The following EGFLAM variants were observed in gnomAD, a reference collection of about 807,000 sequenced individuals.
The protein encoded by EGFLAM is pikachurin.
A neutral mutation model predicts 113.1 loss-of-function variants in EGFLAM; 79 were observed. The ratio of observed to expected loss-of-function variants is 0.70; its 90% CI spans 0.58 to 0.84. The LOEUF is 0.84. EGFLAM is among the 40% of genes least tolerant of loss of function. The pLI is 0.00. For synonymous variants in EGFLAM, 504 were observed against 487.6 expected, an observed-to-expected ratio of 1.03 and a Z score of -0.44; for missense variants, 1,265 against 1,291.6, an observed-to-expected ratio of 0.98 and a Z score of 0.32.
In EGFLAM at chr5:38,258,951, G is replaced by C. The variant is rs189562129; in HGVS notation, c.97+100G>C. The C allele has an allele frequency of 3.5e-5, 45 of 1,279,060 alleles. No individual in the cohort carries two copies. In the African/African-American group the frequency reaches 6.2e-4, roughly 18 times the overall value. The allele number at this position is 1,279,060 out of a possible 1,614,324, so 79.2% of individuals were successfully genotyped here. A position where few individuals can be genotyped will look rare whatever the true frequency, so the allele number is the denominator to read the frequency against. On this transcript the variant is annotated intron_variant, in intron 1 of 21. Transcript: ENST00000322350. ...GGCAGCGCACCGCCTCCCTCTCCCC[G>C]ACCAACGTCTGCTTAACTCGCTTCA...
At chr5:38,300,375 CTTT>C (rs34070893) in intron 1 of EGFLAM, among the ~76,000 whole-genome samples, 8 of 140,618 alleles carry the variant, frequency 5.7e-5, no homozygotes, top group African/African-American at 1.0e-4. Flanking sequence ...ATCTCTCTCT[CTTT>C]TTTTTTTTTT....
intron 5 of EGFLAM, among the ~76,000 whole-genome samples, chr5:38,362,890 C>A (rs889258841): frequency 1.3e-5 from 2 of 152,204 alleles, no homozygotes; most frequent in Non-Finnish European, 2.9e-5. Flanking sequence ...TGATATAATT[C>A]CTGCTTAGAC....
chr5:38,386,167 G>A (rs928837250), intron 6 of EGFLAM, among the ~76,000 whole-genome samples: 1 of 152,330 alleles, frequency 6.6e-6, no homozygotes, highest in African/African-American at 2.4e-5. Context: ...AAGTAAGGGT[G>A]TATTAGGTAT....
At position 38,303,770 on chromosome 5, in the gene EGFLAM, A is replaced by C. The variant is rs991307051; in HGVS notation, c.98-33750A>C. Reference sequence around the variant, plus strand: ...ACTATAAATGCTTTTTTTCCAAAAAAATGGTAACAGTCACAAAATTTCAAA... The same window carrying C: ...ACTATAAATGCTTTTTTTCCAAAAACATGGTAACAGTCACAAAATTTCAAA... On this transcript the variant is annotated intron_variant, in intron 1 of 21. Coordinates refer to ENST00000322350, the MANE Select transcript of EGFLAM (RefSeq NM_152403.4). Among the ~76,000 whole-genome samples, 7 of 152,328 alleles carry C rather than the reference A, an allele frequency of 4.6e-5. No homozygotes were observed. In the East Asian group the frequency reaches 1.3e-3, roughly 29 times the overall value.
chr5:38,358,167 C>G (rs1010746940), intron 5 of EGFLAM, among the ~76,000 whole-genome samples: 4 of 151,490 alleles, frequency 2.6e-5, no homozygotes, highest in Non-Finnish European at 5.9e-5. Flanking sequence ...TTAACCTGGC[C>G]GGGCGTGGTG....
At chr5:38,453,392 C>G (rs532001645) in intron 19 of EGFLAM, among the ~76,000 whole-genome samples, 115 of 152,332 alleles carry the variant, frequency 7.5e-4, no homozygotes, top group African/African-American at 2.6e-3. Context: ...GCTAAGATTA[C>G]TGACAGCCCA....
At chr5:38,372,267 C>T (rs532501840) in intron 6 of EGFLAM, among the ~76,000 whole-genome samples, 12 of 152,114 alleles carry the variant, frequency 7.9e-5, no homozygotes, top group East Asian at 1.9e-4. Flanking sequence ...CTCGGCCTTC[C>T]GAGTAGCTGG....
At chr5:38,274,011 A>T (rs116198206) in intron 1 of EGFLAM, among the ~76,000 whole-genome samples, 1,557 of 152,342 alleles carry the variant, frequency 0.01, 26 homozygotes, top group African/African-American at 0.036. Context: ...CAGAATGATA[A>T]ATTTAACAGA....
intron 4 of EGFLAM, 117 bp from the exon 5 acceptor site, chr5:38,352,079 C>A: frequency 1.4e-6 from 2 of 1,424,328 alleles, no homozygotes; most frequent in Non-Finnish European, 1.9e-6. Context: ...AGCACTCGAG[C>A]TGTTTATGTA....
chr5:38,401,432 TA>T, intron 6 of EGFLAM, among the ~76,000 whole-genome samples: 2 of 152,350 alleles, frequency 1.3e-5, no homozygotes, highest in Middle Eastern at 6.8e-3. Context: ...ATCTTGATTT[TA>T]AGTCAATTCT....
At chr5:38,440,886 T>C (rs1246406650) in intron 17 of EGFLAM, among the ~76,000 whole-genome samples, 2 of 152,226 alleles carry the variant, frequency 1.3e-5, no homozygotes, top group Non-Finnish European at 2.9e-5. Flanking sequence ...AGTCTGGGTC[T>C]TTTTCAGCCT....
intron 3 of EGFLAM, among the ~76,000 whole-genome samples, chr5:38,346,235 T>C (rs1399670774): frequency 6.6e-6 from 1 of 152,228 alleles, no homozygotes; most frequent in Non-Finnish European, 1.5e-5. Flanking sequence ...ACATTTAAAT[T>C]TCTAATACGT....
chr5:38,413,548 T>C (rs755974914), intron 11 of EGFLAM, among the ~76,000 whole-genome samples: 5 of 152,160 alleles, frequency 3.3e-5, no homozygotes, highest in Non-Finnish European at 7.3e-5. Context: ...CACATATTTG[T>C]TATGGTCTGG....
At chr5:38,294,210 C>A (rs1330195880) in intron 1 of EGFLAM, among the ~76,000 whole-genome samples, 1 of 152,074 alleles carries the variant, frequency 6.6e-6, no homozygotes, top group Non-Finnish European at 1.5e-5. Flanking sequence ...ATTCTGGGAC[C>A]CAGGCCAAGG....
intron 1 of EGFLAM, among the ~76,000 whole-genome samples, chr5:38,322,219 G>A (rs937974936): frequency 1.3e-5 from 2 of 152,180 alleles, no homozygotes; most frequent in African/African-American, 4.8e-5. Context: ...TTGCCTGAGG[G>A]CCCACATGGC....
intron 12 of EGFLAM, among the ~76,000 whole-genome samples, chr5:38,421,279 A>G (rs1357844503): frequency 6.6e-6 from 1 of 152,160 alleles, no homozygotes; most frequent in Non-Finnish European, 1.5e-5. Context: ...CACATTCTAG[A>G]ATAGTTGGTC....
Position 38,448,233 on chromosome 5 carries a change from C to T in EGFLAM, c.2465-68C>T, listed in dbSNP as rs1481960795. The T allele has an allele frequency of 3.3e-6, 5 of 1,512,508 alleles. No individual in the cohort carries two copies. The African/African-American group carries it at 6.9e-5, about 21-fold the overall frequency. The allele number at this position is 1,512,508 out of a possible 1,614,324, so 93.7% of individuals were successfully genotyped here. ...TTCCAGGAGCTGGGTGTTTTCCTGC[C>T]ATGTGTGTGAGTGCAGGGGTCAAGA... On this transcript the variant is annotated intron_variant, in intron 17 of 21. Transcript: ENST00000322350.
intron 6 of EGFLAM, among the ~76,000 whole-genome samples, chr5:38,398,222 A>G (rs868428222): frequency 8.5e-5 from 13 of 152,346 alleles, no homozygotes; most frequent in Middle Eastern, 3.4e-3. Flanking sequence ...TGCTGCTGTC[A>G]TATATTTTTA....
At chr5:38,436,721 A>T (rs1264687911) in intron 16 of EGFLAM, among the ~76,000 whole-genome samples, 4 of 152,262 alleles carry the variant, frequency 2.6e-5, no homozygotes, top group Non-Finnish European at 4.4e-5. Flanking sequence ...CTCTTGCCTG[A>T]TTCACGGGCT....
Sources: allele counts gnomAD v4.1 joint callset (sites outside exome capture counted in the v4.1 genomes callset), GRCh38; gene constraint gnomAD v4.1.1; transcripts MANE v1.5; gene names NCBI Gene and HGNC (gene_info 2026-07-23, HGNC 2026-07-21).